The following CCBE1 variants were observed in gnomAD, a reference collection of about 807,000 sequenced individuals.
The protein encoded by CCBE1 is collagen and calcium binding EGF domains 1.
CCBE1 carries 37 observed loss-of-function variants against 50.0 expected under a neutral mutation model. The observed-to-expected ratio is 0.74, with a 90% CI of 0.57 to 0.97. The LOEUF (loss-of-function observed/expected upper bound fraction) is 0.97, where lower values mean the gene tolerates loss of function less well. Ranked by LOEUF, CCBE1 falls within the 50% of genes least tolerant of loss-of-function variation. CCBE1 has a pLI of 0.00. For synonymous variants in CCBE1, 234 were observed against 203.7 expected (o/e 1.15, Z -1.27); for missense variants, 538 against 523.8 (o/e 1.03, Z -0.26).
chr18:59,485,622 A>ATTT (rs954952816), intron 2 of CCBE1, among the ~76,000 whole-genome samples: 4 of 150,290 alleles, frequency 2.7e-5, no homozygotes, highest in Non-Finnish European at 4.4e-5. Context: ...TTATTTATTT[A>ATTT]TTTTTTGAGA....
chr18:59,635,579 C>T (rs761678643), intron 2 of CCBE1, among the ~76,000 whole-genome samples: 1 of 151,890 alleles, frequency 6.6e-6, no homozygotes, highest in Non-Finnish European at 1.5e-5. Flanking sequence ...ATGATCAAAG[C>T]TAAAATATTC....
intron 2 of CCBE1, among the ~76,000 whole-genome samples, chr18:59,560,827 G>A (rs2052725781): frequency 6.6e-6 from 1 of 152,162 alleles, no homozygotes; most frequent in Non-Finnish European, 1.5e-5. Flanking sequence ...GGACAGGGAC[G>A]GCACAGACAT....
intron 2 of CCBE1, among the ~76,000 whole-genome samples, chr18:59,678,168 G>T (rs1241287515): frequency 6.6e-6 from 1 of 152,142 alleles, no homozygotes; most frequent in African/African-American, 2.4e-5. Context: ...CATAGAAGGA[G>T]GGGGGAGGAC....
intron 2 of CCBE1, among the ~76,000 whole-genome samples, chr18:59,533,140 CA>C (rs1915115344): frequency 6.6e-6 from 1 of 152,098 alleles, no homozygotes; most frequent in African/African-American, 2.4e-5. Context: ...AATATATGTT[CA>C]AACAAAATCT....
At chr18:59,554,162 T>A (rs1287455496) in intron 2 of CCBE1, among the ~76,000 whole-genome samples, 2 of 152,148 alleles carry the variant, frequency 1.3e-5, no homozygotes, top group Admixed American at 6.5e-5. Flanking sequence ...GCTAACTTTA[T>A]TTTTTGTTGA....
At chr18:59,552,525 C>G (rs2144419690) in intron 2 of CCBE1, among the ~76,000 whole-genome samples, 1 of 152,342 alleles carries the variant, frequency 6.6e-6, no homozygotes, top group South Asian at 2.1e-4. Flanking sequence ...AACCCAACAT[C>G]TCTTTATGCT....
rs951668423 is a variant in CCBE1, at chr18:59,494,030, CT to C, written c.213-13793del. 3.0e-4 allele frequency among the ~76,000 whole-genome samples: 46 copies of C among 152,312 alleles called. 1 individual carries two copies. The highest frequency in any genetic ancestry group is 1.0e-3 in the African/African-American group (42 of 41,568). ...GTGAGGCCTCCCCAGCCATGTGGAACTGTAAGTCCATCAAACCTCTTTCTTC... is the reference window on the plus strand; with the variant it reads ...GTGAGGCCTCCCCAGCCATGTGGAACGTAAGTCCATCAAACCTCTTTCTTC... On this transcript the variant is annotated intron_variant, in intron 2 of 10. Coordinates refer to ENST00000439986, the MANE Select transcript of CCBE1 (RefSeq NM_133459.4).
chr18:59,589,326 T>C (rs981847767), intron 2 of CCBE1, among the ~76,000 whole-genome samples: 6 of 152,170 alleles, frequency 3.9e-5, no homozygotes, highest in Admixed American at 3.9e-4. Flanking sequence ...AGTTACCTCT[T>C]ACAAAAGCAA....
chr18:59,643,580 A>G (rs533740851), intron 2 of CCBE1, among the ~76,000 whole-genome samples: 90 of 152,316 alleles, frequency 5.9e-4, no homozygotes, highest in Middle Eastern at 3.4e-3. Flanking sequence ...GGATCACTTT[A>G]GGCCAGGAGT....
intron 2 of CCBE1, among the ~76,000 whole-genome samples, chr18:59,683,309 G>C (rs187638709): frequency 6.6e-6 from 1 of 152,230 alleles, no homozygotes; most frequent in Non-Finnish European, 1.5e-5. Context: ...AAATCCAATA[G>C]TGGGTCAATC....
intron 2 of CCBE1, among the ~76,000 whole-genome samples, chr18:59,499,720 A>G (rs1307456362): frequency 4.6e-5 from 7 of 152,190 alleles, no homozygotes; most frequent in Admixed American, 2.0e-4. Flanking sequence ...TTGGGTGCGG[A>G]CACAGCCAAA....
intron 2 of CCBE1, among the ~76,000 whole-genome samples, chr18:59,536,483 A>G (rs1261483575): frequency 6.6e-6 from 1 of 152,220 alleles, no homozygotes; most frequent in Non-Finnish European, 1.5e-5. Flanking sequence ...TTTCAAAAAG[A>G]TTTCTATGTT....
At chr18:59,686,454 C>T (rs1286798557) in intron 2 of CCBE1, among the ~76,000 whole-genome samples, 1 of 152,206 alleles carries the variant, frequency 6.6e-6, no homozygotes, top group African/African-American at 2.4e-5. Flanking sequence ...CCCTGCCATG[C>T]ACCTGCGTGT....
In CCBE1 at chr18:59,471,456, T is replaced by G. The variant is rs193213448; in HGVS notation, c.266-1849A>C. 4.4e-3 allele frequency among the ~76,000 whole-genome samples: 663 copies of G among 152,326 alleles called. 14 individuals carry two copies. Among genetic ancestry groups the G allele is most frequent in the Admixed American group, 0.032 (491 of 15,304 alleles). On this transcript the variant is annotated intron_variant, in intron 3 of 10. Transcript: ENST00000439986. ...CAATACAGTTATGATGATATTTTGG[T>G]GCGGTAATTGTTAGTATTTGCACCA...
At chr18:59,570,174 A>C (rs1473614953) in intron 2 of CCBE1, among the ~76,000 whole-genome samples, 1 of 152,196 alleles carries the variant, frequency 6.6e-6, no homozygotes, top group Non-Finnish European at 1.5e-5. Flanking sequence ...CTAGCCTGGG[A>C]GAGGGAGTTT....
At chr18:59,528,519 T>A (rs562305876) in intron 2 of CCBE1, among the ~76,000 whole-genome samples, 1 of 152,092 alleles carries the variant, frequency 6.6e-6, no homozygotes, top group Admixed American at 6.5e-5. Flanking sequence ...TGGAGAGGAG[T>A]TGCAATCATT....
chr18:59,576,431 T>C (rs1350862541), intron 2 of CCBE1, among the ~76,000 whole-genome samples: 2 of 152,344 alleles, frequency 1.3e-5, no homozygotes, highest in Admixed American at 6.5e-5. Context: ...TATTCAAGTC[T>C]GTAAATATTT....
intron 2 of CCBE1, among the ~76,000 whole-genome samples, chr18:59,542,170 T>C: frequency 1.8e-5 from 1 of 56,102 alleles, no homozygotes; most frequent in Non-Finnish European, 3.6e-5. Flanking sequence ...TGAGATCCTG[T>C]CTCAAAAAAA....
chr18:59,697,389 A>T lies in CCBE1; in HGVS notation c.-47T>A, dbSNP rs1384670846. On this transcript the variant is annotated 5_prime_UTR_variant, in exon 1 of 11. Transcript: ENST00000439986. ...CCCAGCGCCGAGCTCCGTCCGGACC[A>T]AGCGTCCTGCTCCTCCGCGGCCGCC... 6.5e-7 allele frequency: 1 copy of T among 1,533,310 alleles called. No individual in the cohort carries two copies. The highest frequency in any genetic ancestry group is 8.8e-7 in the Non-Finnish European group (1 of 1,141,954). 95.0% of individuals were successfully genotyped at this position (1,533,310 alleles called of 1,614,324 possible).
Sources: allele counts gnomAD v4.1 joint callset (sites outside exome capture counted in the v4.1 genomes callset), GRCh38; gene constraint gnomAD v4.1.1; transcripts MANE v1.5; gene names NCBI Gene and HGNC (gene_info 2026-07-23, HGNC 2026-07-21).